ACAD9: variants seen among roughly 807,000 people sequenced by gnomAD.
ACAD9 encodes the protein acyl-CoA dehydrogenase family member 9.
In ACAD9, 53 loss-of-function variants were observed where a neutral mutation model predicts 70.2. The ratio of observed to expected loss-of-function variants is 0.75; its 90% CI spans 0.61 to 0.95. The LOEUF (loss-of-function observed/expected upper bound fraction) is 0.95, where lower values mean the gene tolerates loss of function less well. ACAD9 is among the 40% of genes least tolerant of loss of function. ACAD9 has a pLI of 0.00. For synonymous variants in ACAD9, 313 were observed against 312.1 expected, an observed-to-expected ratio of 1.00 and a Z score of -0.03; for missense variants, 777 against 802.8, an observed-to-expected ratio of 0.97 and a Z score of 0.39.
chr3:128,893,756 G>T, intron 3 of ACAD9, 100 bp downstream of exon 3: 2 of 1,006,502 alleles, frequency 2.0e-6, no homozygotes, highest in Non-Finnish European at 3.1e-6. Flanking sequence ...GACACCATCC[G>T]TGGTGGGCTA....
Position 128,888,023 on chromosome 3 carries a change from A to G in ACAD9, c.244+3277A>G, listed in dbSNP as rs555818212. The stretch of plus-strand genomic sequence containing the variant: ...AACCAGGACAGACAACCCTTCCCCA[A>G]AAGTAATGGCCAAGAATAAAAGCAC... On this transcript the variant is annotated intron_variant, in intron 2 of 17. Transcript: ENST00000308982. Among the ~76,000 whole-genome samples the G allele has an allele frequency of 1.4e-4, 21 of 152,318 alleles. No homozygotes were observed. In the South Asian group the frequency reaches 4.1e-3, roughly 30 times the overall value.
chr3:128,879,739 C>T lies in ACAD9; in HGVS notation c.48C>T (p.Ala16=), dbSNP rs1559815802. Residue 16 remains alanine, a synonymous_variant, in exon 1 of 18, where the codon GCC becomes GCT. Coordinates refer to ENST00000308982, the MANE Select transcript of ACAD9 (RefSeq NM_014049.5). The stretch of plus-strand genomic sequence containing the variant: ...TGCGCACCACGGCTGCGGCTCGTGC[C>T]TGCCGGGGTCTGGTGGTCTCTACCG... ...LFLRTTAAAR[A]CRGLVVSTAN... 2 of 1,612,936 alleles carry T rather than the reference C, an allele frequency of 1.2e-6. No homozygotes were observed. The highest frequency in any genetic ancestry group is 1.7e-6 in the Non-Finnish European group (2 of 1,179,964).
chr3:128,899,686 G>A (rs1935681809), intron 7 of ACAD9, among the ~76,000 whole-genome samples: 1 of 152,228 alleles, frequency 6.6e-6, no homozygotes, highest in South Asian at 2.1e-4. Flanking sequence ...CTTTGTCTTT[G>A]TTCCTGCAGC....
chr3:128,912,445 A>G, intron 17 of ACAD9, 62 bp from the exon 18 acceptor site: 3 of 1,490,198 alleles, frequency 2.0e-6, no homozygotes, highest in Non-Finnish European at 2.8e-6. Flanking sequence ...CCCCCACTTC[A>G]GCCATGTTTG....
chr3:128,898,431 G>C (rs952835507), intron 6 of ACAD9: 3 of 452,624 alleles, frequency 6.6e-6, no homozygotes, highest in Non-Finnish European at 1.3e-5. Context: ...TTTGAGACAG[G>C]GTCCCGCTCT....
intron 15 of ACAD9, 161 bp from the exon 16 acceptor site, chr3:128,909,860 C>T (rs1936071142): frequency 5.1e-6 from 5 of 981,242 alleles, no homozygotes; most frequent in Non-Finnish European, 7.8e-6. Flanking sequence ...CAGAAGGTGG[C>T]TGGGAGCCGT....
intron 1 of ACAD9, among the ~76,000 whole-genome samples, chr3:128,880,622 G>GT (rs1349590994): frequency 2.6e-5 from 4 of 151,958 alleles, no homozygotes; most frequent in Non-Finnish European, 5.9e-5. Context: ...ACTGACCTCG[G>GT]GTGATCCGCC....
At chr3:128,909,656 C>T (rs1433934604) in intron 15 of ACAD9, 1 of 611,906 alleles carries the variant, frequency 1.6e-6, no homozygotes, top group Non-Finnish European at 2.9e-6. Context: ...GTGCACCTTT[C>T]AGGTAGAGAG....
At chr3:128,888,113 A>T (rs1397828545) in intron 2 of ACAD9, among the ~76,000 whole-genome samples, 1 of 150,728 alleles carries the variant, frequency 6.6e-6, no homozygotes, top group Non-Finnish European at 1.5e-5. Context: ...CAAACCTAAG[A>T]CTTTTTTCTG....
chr3:128,884,580 C>A, intron 1 of ACAD9, 73 bp from the exon 2 acceptor site: 1 of 1,130,990 alleles, frequency 8.8e-7, no homozygotes, highest in Non-Finnish European at 1.3e-6. Flanking sequence ...TTTTTCCTTC[C>A]CTTTTAACTG....
chr3:128,886,189 A>G (rs1055099068), intron 2 of ACAD9, among the ~76,000 whole-genome samples: 79 of 151,062 alleles, frequency 5.2e-4, no homozygotes, highest in African/African-American at 1.7e-3. Context: ...TGCAACCTCT[A>G]CCTCCCAGGT....
chr3:128,906,192 A>G lies in ACAD9; in HGVS notation c.1221A>G (p.Thr407=), dbSNP rs139048558. ...ALQILGGLGY[T]RDYPYERILR... Reference sequence around the variant, plus strand: ...AGATCCTCGGGGGCTTGGGCTACACAAGGGACTATCCGTACGAGCGCATAC... The same window carrying G: ...AGATCCTCGGGGGCTTGGGCTACACGAGGGACTATCCGTACGAGCGCATAC... Residue 407 remains threonine, a synonymous_variant, in exon 12 of 18, where the codon ACA becomes ACG. Coordinates refer to ENST00000308982, the MANE Select transcript of ACAD9 (RefSeq NM_014049.5). 229 of 1,614,166 alleles carry G rather than the reference A, an allele frequency of 1.4e-4. No individual in the cohort carries two copies. The African/African-American group carries it at 2.4e-3, about 17-fold the overall frequency.
intron 4 of ACAD9, among the ~76,000 whole-genome samples, 160 bp from the exon 5 acceptor site, chr3:128,896,276 G>C (rs527887775): frequency 6.6e-6 from 1 of 152,378 alleles, no homozygotes; most frequent in African/African-American, 2.4e-5. Flanking sequence ...CTCCTCAGCA[G>C]CTTGGCTCCC....
At chr3:128,911,792 T>C (rs789240) in intron 17 of ACAD9, among the ~76,000 whole-genome samples, 66,427 of 152,108 alleles carry the variant, frequency 0.44, 17,015 homozygotes, top group African/African-American at 0.7. Flanking sequence ...GGGAGGAGCA[T>C]CTGGTTGTAC....
At chr3:128,906,285 C>A (rs780599181) in intron 12 of ACAD9, 36 bp downstream of exon 12, 1 of 1,612,402 alleles carries the variant, frequency 6.2e-7, no homozygotes, top group East Asian at 2.2e-5. Context: ...CTGTGCTCCA[C>A]CCCCACCCTG....
intron 17 of ACAD9, 83 bp downstream of exon 17, chr3:128,910,896 A>G (rs1295426927): frequency 4.0e-6 from 6 of 1,497,536 alleles, no homozygotes; most frequent in Non-Finnish European, 5.6e-6. Context: ...GACCCTGTCA[A>G]GCTCCCAGAG....
intron 1 of ACAD9, chr3:128,880,103 C>G (rs1935043417): frequency 7.7e-7 from 1 of 1,300,412 alleles, no homozygotes; most frequent in African/African-American, 1.5e-5. Context: ...TCGGAAAACT[C>G]TAGGCTAGGT....
intron 17 of ACAD9, among the ~76,000 whole-genome samples, chr3:128,911,224 T>G (rs1429905406): frequency 6.6e-6 from 1 of 151,846 alleles, no homozygotes; most frequent in Non-Finnish European, 1.5e-5. Context: ...GCCCGGCTAA[T>G]TTTTTGTATT....
chr3:128,889,408 G>C (rs1165611697), intron 2 of ACAD9, among the ~76,000 whole-genome samples: 1 of 152,176 alleles, frequency 6.6e-6, no homozygotes, highest in African/African-American at 2.4e-5. Flanking sequence ...AGTCCATTCT[G>C]ATGTTCATAC....
Sources: allele counts gnomAD v4.1 joint callset (sites outside exome capture counted in the v4.1 genomes callset), GRCh38; gene constraint gnomAD v4.1.1; transcripts MANE v1.5; gene names NCBI Gene and HGNC (gene_info 2026-07-23, HGNC 2026-07-21).